Variants in CAST observed in about 807,000 individuals in gnomAD.
CAST encodes calpastatin.
A neutral mutation model predicts 119.6 loss-of-function variants in CAST; 76 were observed. The observed-to-expected ratio is 0.64, with a 90% confidence interval of 0.53 to 0.77. The LOEUF (loss-of-function observed/expected upper bound fraction) is 0.77. CAST is among the 30% of genes least tolerant of loss of function. CAST has a pLI of 0.00. For synonymous variants in CAST, 319 were observed against 331.6 expected (o/e 0.96, Z 0.41); for missense variants, 953 against 946.5 (o/e 1.01, Z -0.09).
chr5:96,143,236 C>T, the CAST span, among the ~76,000 whole-genome samples: 1 of 152,156 alleles, frequency 6.6e-6, no homozygotes, highest in Admixed American at 6.5e-5. Flanking sequence ...GACTCTATTA[C>T]AGGCATGATT....
the CAST span, among the ~76,000 whole-genome samples, chr5:96,196,973 G>A: frequency 6.6e-6 from 1 of 152,158 alleles, no homozygotes; most frequent in African/African-American, 2.4e-5. Context: ...TGAAAATCAT[G>A]AATATGCCTC....
the CAST span, among the ~76,000 whole-genome samples, chr5:96,139,239 C>G: frequency 6.6e-6 from 1 of 151,930 alleles, no homozygotes; most frequent in East Asian, 1.9e-4. Flanking sequence ...CTAAGATCTT[C>G]CTATATAAAG....
At chr5:96,398,008 AAGAC>A in the CAST span, among the ~76,000 whole-genome samples, 1 of 152,128 alleles carries the variant, frequency 6.6e-6, no homozygotes, top group Non-Finnish European at 1.5e-5. Flanking sequence ...CTTATATTAA[AAGAC>A]AGGTTACCTG....
chr5:96,019,899 C>T, the CAST span, among the ~76,000 whole-genome samples: 5 of 152,272 alleles, frequency 3.3e-5, no homozygotes, highest in African/African-American at 7.2e-5. Context: ...GATTTCCAAA[C>T]TCTTAAGATG....
chr5:96,246,722 C>T, the CAST span, among the ~76,000 whole-genome samples: 2 of 152,182 alleles, frequency 1.3e-5, no homozygotes, highest in African/African-American at 4.8e-5. Context: ...CTTCACTCCC[C>T]AGTAATTTGA....
chr5:96,647,573 G>C (rs962147757), intron 1 of CAST, among the ~76,000 whole-genome samples: 2 of 152,140 alleles, frequency 1.3e-5, no homozygotes, highest in African/African-American at 2.4e-5. Flanking sequence ...TTTGGAGATA[G>C]GGTTTTTATA....
At chr5:96,466,066 T>G in the CAST span, among the ~76,000 whole-genome samples, 69,522 of 151,902 alleles carry the variant, frequency 0.46, 16,203 homozygotes, top group African/African-American at 0.53. Flanking sequence ...CACAATATAC[T>G]TACTTGTTTT....
the CAST span, among the ~76,000 whole-genome samples, chr5:96,342,559 G>A: frequency 5.0e-4 from 76 of 152,310 alleles, no homozygotes; most frequent in Middle Eastern, 6.8e-3. Context: ...TTTAAGCCAG[G>A]TCCATATTTC....
At chr5:96,601,357 G>T (rs192106551) in intron 1 of CAST, among the ~76,000 whole-genome samples, 38 of 152,316 alleles carry the variant, frequency 2.5e-4, no homozygotes, top group African/African-American at 7.7e-4. Flanking sequence ...TTTTGCATGT[G>T]CTGCCTGATT....
chr5:96,286,910 A>T, the CAST span, among the ~76,000 whole-genome samples: 8 of 152,154 alleles, frequency 5.3e-5, no homozygotes, highest in African/African-American at 1.9e-4. Context: ...CAGTAATTCA[A>T]TTAGGTGTTT....
intron 3 of CAST, among the ~76,000 whole-genome samples, chr5:96,708,485 AT>A (rs1755463016): frequency 6.6e-6 from 1 of 151,090 alleles, no homozygotes; most frequent in Admixed American, 6.6e-5. Context: ...AGATTTTTCT[AT>A]TGTTTTAGTT....
chr5:96,586,423 A>G (rs1307589935), intron 1 of CAST, among the ~76,000 whole-genome samples: 3 of 152,242 alleles, frequency 2.0e-5, no homozygotes, highest in Non-Finnish European at 4.4e-5. Context: ...GATAGATACT[A>G]TAATATAAAT....
At chr5:96,533,014 G>C (rs1387096853) in intron 1 of CAST, among the ~76,000 whole-genome samples, 2 of 126,982 alleles carry the variant, frequency 1.6e-5, no homozygotes, top group African/African-American at 2.9e-5. Flanking sequence ...GACAGAGGGA[G>C]ACCTGGTCTC....
the CAST span, among the ~76,000 whole-genome samples, chr5:96,293,848 C>T: frequency 6.6e-6 from 1 of 151,966 alleles, no homozygotes; most frequent in South Asian, 2.1e-4. Context: ...ACCTCTGCCT[C>T]CTGGGTTTTA....
chr5:96,732,560 G>A (rs963612372), intron 9 of CAST, among the ~76,000 whole-genome samples: 13 of 148,392 alleles, frequency 8.8e-5, no homozygotes, highest in African/African-American at 2.0e-4. Flanking sequence ...TTGGTGTTTT[G>A]GACATGAAGT....
the CAST span, chr5:96,423,224 C>T: frequency 7.9e-7 from 1 of 1,269,594 alleles, no homozygotes; most frequent in Non-Finnish European, 1.1e-6. Flanking sequence ...GACACCAGAG[C>T]AGCATCCCCT....
At chr5:96,149,516 G>C in the CAST span, among the ~76,000 whole-genome samples, 1 of 152,196 alleles carries the variant, frequency 6.6e-6, no homozygotes, top group African/African-American at 2.4e-5. Flanking sequence ...TTGAAATGCA[G>C]TGGTGCCTCC....
intron 30 of CAST, 118 bp downstream of exon 30, chr5:96,770,720 C>A: frequency 3.0e-6 from 2 of 676,392 alleles, no homozygotes; most frequent in Admixed American, 2.3e-5. Context: ...TCTTAAAGTA[C>A]TATCTATCCC....
At chr5:96,503,096 C>T in the CAST span, among the ~76,000 whole-genome samples, 99 of 152,294 alleles carry the variant, frequency 6.5e-4, no homozygotes, top group African/African-American at 2.4e-3. Context: ...GGAAGGCCTG[C>T]TCCTTGTCTT....
Sources: gnomAD v4.1 joint callset for allele counts (sites outside exome capture counted in the v4.1 genomes callset) on GRCh38, gnomAD v4.1.1 for gene constraint, MANE v1.5 for transcripts, NCBI Gene and HGNC (gene_info 2026-07-23, HGNC 2026-07-21) for gene names.